The following CDH23 variants were observed in gnomAD, a reference collection of about 807,000 sequenced individuals.
CDH23 encodes the protein cadherin-23.
Under a neutral mutation model 317.1 loss-of-function variants are expected in CDH23, and 189 were observed. The observed-to-expected ratio is 0.60, with a 90% CI of 0.53 to 0.67. The LOEUF is 0.67. CDH23 is among the 30% of genes least tolerant of loss of function. The pLI is 0.00. For missense variants in CDH23, 4,401 were observed against 4,592.4 expected (o/e 0.96, Z 1.20); for synonymous variants, 1,839 against 1,876.8 (o/e 0.98, Z 0.52).
intron 14 of CDH23, among the ~76,000 whole-genome samples, chr10:71,652,351 T>A (rs1176477350): frequency 3.9e-5 from 6 of 152,360 alleles, no homozygotes; most frequent in Non-Finnish European, 8.8e-5. Flanking sequence ...TCACTCCTTC[T>A]CTGGGACTTG....
chr10:71,794,755 T>C (rs1841356018), intron 48 of CDH23: 2 of 152,254 alleles, frequency 1.3e-5, no homozygotes, highest in Non-Finnish European at 1.5e-5. Flanking sequence ...GATTCCACTG[T>C]CTGGATAGCA....
intron 9 of CDH23, among the ~76,000 whole-genome samples, chr10:71,578,565 T>C (rs1858394823): frequency 6.6e-6 from 1 of 152,134 alleles, no homozygotes; most frequent in African/African-American, 2.4e-5. Context: ...ACGGCAGAGA[T>C]GGTTCCGGGT....
At chr10:71,445,798 T>C (rs1395458434) in intron 2 of CDH23, among the ~76,000 whole-genome samples, 1 of 135,390 alleles carries the variant, frequency 7.4e-6, no homozygotes, top group Non-Finnish European at 1.5e-5. Context: ...CCGTGAGCCA[T>C]GATCACACTG....
intron 1 of CDH23, among the ~76,000 whole-genome samples, chr10:71,411,594 A>AT (rs1283645614): frequency 1.3e-5 from 2 of 152,032 alleles, no homozygotes; most frequent in Non-Finnish European, 2.9e-5. Flanking sequence ...TACTTATATC[A>AT]TTTTTCTTGC....
intron 1 of CDH23, among the ~76,000 whole-genome samples, chr10:71,401,230 G>A (rs1847767423): frequency 6.6e-6 from 1 of 152,164 alleles, no homozygotes; most frequent in Admixed American, 6.5e-5. Flanking sequence ...CTGAGTCCTC[G>A]GGTGGGGTGG....
chr10:71,746,299 C>A (rs1839851041), intron 38 of CDH23, among the ~76,000 whole-genome samples: 1 of 152,246 alleles, frequency 6.6e-6, no homozygotes, highest in African/African-American at 2.4e-5. Flanking sequence ...TCCCCAGAGC[C>A]AAGAGAAATT....
At chr10:71,787,011 G>A (rs879031868) in intron 44 of CDH23, among the ~76,000 whole-genome samples, 7 of 152,196 alleles carry the variant, frequency 4.6e-5, no homozygotes, top group Admixed American at 4.6e-4. Context: ...CTCTGAGGTG[G>A]TGACAGTGCA....
At chr10:71,669,774 C>A (rs1378810816) in intron 14 of CDH23, among the ~76,000 whole-genome samples, 3 of 152,144 alleles carry the variant, frequency 2.0e-5, no homozygotes, top group African/African-American at 7.2e-5. Context: ...AAGTGGCAGT[C>A]CAGGTTGTCC....
At chr10:71,696,749 A>G (rs544711609) in intron 22 of CDH23, among the ~76,000 whole-genome samples, 1 of 152,332 alleles carries the variant, frequency 6.6e-6, no homozygotes, top group Admixed American at 6.5e-5. Flanking sequence ...GGCACAGTGG[A>G]ATAGGGCAGA....
intron 14 of CDH23, among the ~76,000 whole-genome samples, chr10:71,655,859 G>A (rs193261608): frequency 2.0e-5 from 3 of 152,150 alleles, no homozygotes; most frequent in Non-Finnish European, 2.9e-5. Context: ...ATCGGCAACG[G>A]AGATGTTTGT....
chr10:71,583,276 G>A (rs1037243385), intron 9 of CDH23, among the ~76,000 whole-genome samples: 13 of 152,010 alleles, frequency 8.6e-5, no homozygotes, highest in East Asian at 3.9e-4. Context: ...TGCTGAGGCC[G>A]CAGAGGGAGG....
intron 11 of CDH23, among the ~76,000 whole-genome samples, chr10:71,642,393 C>CT (rs781291264): frequency 0.013 from 1,129 of 85,406 alleles, 68 homozygotes; most frequent in African/African-American, 0.037. Flanking sequence ...GGCCCGGCCT[C>CT]TTTTTTTTTT....
chr10:71,788,215 T>G (rs1206131405), intron 44 of CDH23, among the ~76,000 whole-genome samples: 1 of 151,774 alleles, frequency 6.6e-6, no homozygotes, highest in Non-Finnish European at 1.5e-5. Context: ...GCCCAGCTAA[T>G]TTTTTTGTAT....
At chr10:71,578,651 G>A (rs1251490090) in intron 9 of CDH23, among the ~76,000 whole-genome samples, 2 of 152,252 alleles carry the variant, frequency 1.3e-5, no homozygotes, top group South Asian at 2.1e-4. Flanking sequence ...GGGCTGGGTG[G>A]TTTTAGAGCA....
chr10:71,705,317 T>G (rs1253314868), intron 25 of CDH23, among the ~76,000 whole-genome samples, 187 bp downstream of exon 25: 3 of 152,104 alleles, frequency 2.0e-5, no homozygotes, highest in Non-Finnish European at 4.4e-5. Context: ...TCTCCACACC[T>G]GACCACTGCC....
intron 3 of CDH23, among the ~76,000 whole-genome samples, chr10:71,508,750 C>T (rs1421396663): frequency 3.9e-5 from 6 of 152,174 alleles, no homozygotes; most frequent in Non-Finnish European, 7.3e-5. Context: ...GCCATGGCTC[C>T]GATCTCCTCA....
chr10:71,786,908 T>G (rs1349890040), intron 44 of CDH23, among the ~76,000 whole-genome samples: 1 of 152,114 alleles, frequency 6.6e-6, no homozygotes, highest in Admixed American at 6.5e-5. Flanking sequence ...GTGGCAGGAC[T>G]CGGTGGGCTT....
intron 35 of CDH23, among the ~76,000 whole-genome samples, 163 bp downstream of exon 35, chr10:71,738,810 G>A (rs1397792510): frequency 2.0e-5 from 3 of 151,884 alleles, no homozygotes; most frequent in Non-Finnish European, 4.4e-5. Context: ...AAGGGACAGA[G>A]CTGCCTCAGA....
chr10:71,721,840 A>T (rs1303247569), intron 28 of CDH23, among the ~76,000 whole-genome samples: 1 of 152,180 alleles, frequency 6.6e-6, no homozygotes, highest in African/African-American at 2.4e-5. Flanking sequence ...CTGTCCCTGC[A>T]TGAGCCCTTC....
Sources: allele counts gnomAD v4.1 joint callset (sites outside exome capture counted in the v4.1 genomes callset), GRCh38; gene constraint gnomAD v4.1.1; transcripts MANE v1.5; gene names NCBI Gene and HGNC (gene_info 2026-07-23, HGNC 2026-07-21).